The following CRPPA variants were observed in gnomAD, a reference collection of about 807,000 sequenced individuals.
CRPPA encodes D-ribitol-5-phosphate cytidylyltransferase.
In CRPPA, 43 loss-of-function variants were observed where a neutral mutation model predicts 52.0. The observed-to-expected ratio is 0.83, with a 90% CI of 0.65 to 1.07. The LOEUF (loss-of-function observed/expected upper bound fraction) is 1.07, where lower values mean the gene tolerates loss of function less well. CRPPA is among the 50% of genes least tolerant of loss of function. The pLI is 0.00. For missense variants in CRPPA, 629 were observed against 551.7 expected (o/e 1.14, Z -1.40); for synonymous variants, 250 against 203.5 (o/e 1.23, Z -1.94).
intron 2 of CRPPA, among the ~76,000 whole-genome samples, chr7:16,396,856 A>G (rs535703064): frequency 6.4e-4 from 98 of 152,378 alleles, no homozygotes; most frequent in African/African-American, 2.0e-3. Context: ...CACGTAATGG[A>G]AGATGACACA....
chr7:16,277,978 G>C (rs1411764172), intron 6 of CRPPA, 151 bp downstream of exon 6: 1 of 624,782 alleles, frequency 1.6e-6, no homozygotes, highest in African/African-American at 1.9e-5. Flanking sequence ...CAGATCCTAA[G>C]TGCTGGCAGA....
In CRPPA at chr7:16,088,470, T is replaced by A. The variant is rs920211316; in HGVS notation, c.*3225A>T. The A allele has an allele frequency of 7.1e-6, 1 of 141,010 alleles. No individual in the cohort carries two copies. Among genetic ancestry groups the A allele is most frequent in the African/African-American group, 2.7e-5 (1 of 37,730 alleles). The allele number at this position is 141,010 out of a possible 1,614,324, so 8.7% of individuals were successfully genotyped here. A position where few individuals can be genotyped will look rare whatever the true frequency, so the allele number is the denominator to read the frequency against. ...TCTTGCTCTGTTGCCCAGGCTGGAG[T>A]GCAGTGGCGCTATGTCGGCTCACTG... is the stretch of plus-strand genomic sequence containing the variant. On this transcript the variant is annotated 3_prime_UTR_variant, in exon 10 of 10. Transcript: ENST00000407010.
At chr7:16,410,073 A>G (rs1229920192) in intron 1 of CRPPA, among the ~76,000 whole-genome samples, 1 of 152,202 alleles carries the variant, frequency 6.6e-6, no homozygotes, top group Non-Finnish European at 1.5e-5. Context: ...TAAATCTAAG[A>G]ATGAAAACAG....
chr7:16,139,254 C>A (rs1212863228), intron 9 of CRPPA, among the ~76,000 whole-genome samples: 1 of 152,100 alleles, frequency 6.6e-6, no homozygotes, highest in Non-Finnish European at 1.5e-5. Context: ...TGACTTTGGG[C>A]AAATCATTAA....
At chr7:16,319,566 G>T (rs749365458) in intron 3 of CRPPA, among the ~76,000 whole-genome samples, 21 of 152,034 alleles carry the variant, frequency 1.4e-4, no homozygotes, top group Non-Finnish European at 2.4e-4. Flanking sequence ...GGTGTTTATG[G>T]GTACCTCTGA....
At chr7:16,322,253 T>A (rs1442680959) in intron 3 of CRPPA, among the ~76,000 whole-genome samples, 1 of 152,186 alleles carries the variant, frequency 6.6e-6, no homozygotes, top group Non-Finnish European at 1.5e-5. Context: ...ACCGTTGTTA[T>A]GTAGTGGCAC....
chr7:16,284,155 CT>C (rs1562607087), intron 5 of CRPPA, among the ~76,000 whole-genome samples: 1 of 151,990 alleles, frequency 6.6e-6, no homozygotes, highest in Non-Finnish European at 1.5e-5. Flanking sequence ...CTTGAAAAGT[CT>C]TTTCATTTAT....
intron 6 of CRPPA, among the ~76,000 whole-genome samples, chr7:16,267,806 C>T (rs975101427): frequency 2.6e-5 from 4 of 151,830 alleles, no homozygotes; most frequent in African/African-American, 7.3e-5. Flanking sequence ...AGGATTCGAG[C>T]GTGGGTCAAA....
At chr7:16,216,364 ATCC>A (rs1222455245) in intron 8 of CRPPA, 167 bp from the exon 9 acceptor site, 9 of 485,616 alleles carry the variant, frequency 1.9e-5, no homozygotes, top group Admixed American at 1.5e-4. Context: ...AGATCGATGA[ATCC>A]TCCTTTATAA....
intron 9 of CRPPA, among the ~76,000 whole-genome samples, chr7:16,195,901 A>G (rs2128391951): frequency 6.6e-6 from 1 of 152,226 alleles, no homozygotes; most frequent in South Asian, 2.1e-4. Flanking sequence ...AAGCTGAGGA[A>G]AGGCCCTGCC....
At chr7:16,177,024 C>T (rs1043344490) in intron 9 of CRPPA, among the ~76,000 whole-genome samples, 2 of 151,984 alleles carry the variant, frequency 1.3e-5, no homozygotes, top group Non-Finnish European at 2.9e-5. Context: ...AATGCATATG[C>T]TAAGTGAAAA....
At chr7:16,327,000 T>C (rs962078992) in intron 3 of CRPPA, among the ~76,000 whole-genome samples, 5 of 152,186 alleles carry the variant, frequency 3.3e-5, no homozygotes, top group Non-Finnish European at 7.3e-5. Flanking sequence ...TTACCATCTT[T>C]CCATGTTAGA....
chr7:16,116,827 C>A (rs536805934), intron 9 of CRPPA, among the ~76,000 whole-genome samples: 1 of 152,080 alleles, frequency 6.6e-6, no homozygotes, highest in Admixed American at 6.6e-5. Flanking sequence ...ATCAGAGGAA[C>A]AAGAACAAAA....
intron 2 of CRPPA, among the ~76,000 whole-genome samples, chr7:16,386,599 C>T (rs1787276882): frequency 6.6e-6 from 1 of 151,944 alleles, no homozygotes; most frequent in African/African-American, 2.4e-5. Context: ...ATGAAAACAG[C>T]AAAAAGGAGG....
chr7:16,375,221 C>T (rs1228337909), intron 3 of CRPPA, among the ~76,000 whole-genome samples: 1 of 152,178 alleles, frequency 6.6e-6, no homozygotes, highest in East Asian at 1.9e-4. Flanking sequence ...GGATACTACC[C>T]TCTAATCCTT....
intron 9 of CRPPA, chr7:16,209,332 C>T (rs1782066715): frequency 6.2e-6 from 1 of 160,514 alleles, no homozygotes. Context: ...AGGGCAGTGG[C>T]AATCTCGGCT....
In CRPPA at chr7:16,419,853, ATTTTTGAGTAATAAT is replaced by A. The variant is rs569029940; in HGVS notation, c.257+1198_257+1212del. 1.2e-4 allele frequency among the ~76,000 whole-genome samples: 19 copies of A among 152,256 alleles called. No homozygotes were observed. In the East Asian group the frequency reaches 3.7e-3, roughly 29 times the overall value. On this transcript the variant is annotated intron_variant, in intron 1 of 9. Transcript: ENST00000407010. ...CCCGAAATGCTCGATTTGAGTAATA[ATTTTTGAGTAATAAT>A]TTTTTGAGTAATAATTTGATATGAG...
At chr7:16,144,781 C>T (rs1782941490) in intron 9 of CRPPA, among the ~76,000 whole-genome samples, 1 of 152,158 alleles carries the variant, frequency 6.6e-6, no homozygotes, top group Admixed American at 6.5e-5. Context: ...AGCAGCTGCA[C>T]TCTCTCAGCG....
At position 16,419,849 on chromosome 7, in the gene CRPPA, A is replaced by G. The variant is rs570163302; in HGVS notation, c.257+1217T>C. On this transcript the variant is annotated intron_variant, in intron 1 of 9. Coordinates refer to ENST00000407010, the MANE Select transcript of CRPPA (RefSeq NM_001101426.4). ...CGATCCCGAAATGCTCGATTTGAGTAATAATTTTTGAGTAATAATTTTTTG... is the reference window on the plus strand; with the variant it reads ...CGATCCCGAAATGCTCGATTTGAGTGATAATTTTTGAGTAATAATTTTTTG... 1.8e-4 allele frequency among the ~76,000 whole-genome samples: 28 copies of G among 152,296 alleles called. 1 individual carries two copies. In the South Asian group the frequency reaches 4.8e-3, roughly 26 times the overall value.
Sources: gnomAD v4.1 joint callset for allele counts (sites outside exome capture counted in the v4.1 genomes callset) on GRCh38, gnomAD v4.1.1 for gene constraint, MANE v1.5 for transcripts, NCBI Gene and HGNC (gene_info 2026-07-23, HGNC 2026-07-21) for gene names.